SLC24A2: variants seen among roughly 807,000 people sequenced by gnomAD.
SLC24A2 encodes the protein sodium/potassium/calcium exchanger 2.
Under a neutral mutation model 62.0 loss-of-function variants are expected in SLC24A2, and 36 were observed. That is an observed-to-expected ratio of 0.58 (90% CI 0.44 to 0.77). The LOEUF (loss-of-function observed/expected upper bound fraction) is 0.77, where lower values mean the gene tolerates loss of function less well. Among genes scored for constraint, SLC24A2 ranks in the 30% least tolerant of loss-of-function variants. The pLI, the probability that SLC24A2 is intolerant of heterozygous loss-of-function variation, is 0.00. For missense variants in SLC24A2, 846 were observed against 817.9 expected, an observed-to-expected ratio of 1.03 and a Z score of -0.42; for synonymous variants, 358 against 294.0, an observed-to-expected ratio of 1.22 and a Z score of -2.23.
At chr9:20,219,549 C>T in the SLC24A2 span, among the ~76,000 whole-genome samples, 23 of 152,202 alleles carry the variant, frequency 1.5e-4, no homozygotes, top group African/African-American at 4.8e-4. Flanking sequence ...TGGCAGGTTG[C>T]GCTTATGTTA....
upstream of SLC24A2, among the ~76,000 whole-genome samples, chr9:19,792,197 C>T (rs886639823): frequency 1.3e-5 from 2 of 152,068 alleles, no homozygotes; most frequent in Non-Finnish European, 2.9e-5. Context: ...AATAACATCC[C>T]CAGGGGGCCA....
intron 5 of SLC24A2, among the ~76,000 whole-genome samples, chr9:19,578,948 T>C (rs1836120795): frequency 6.6e-6 from 1 of 152,066 alleles, no homozygotes; most frequent in African/African-American, 2.4e-5. Flanking sequence ...CACCACTGAG[T>C]ACACTCTCAA....
the SLC24A2 span, among the ~76,000 whole-genome samples, chr9:20,244,648 C>G: frequency 1.3e-5 from 2 of 152,164 alleles, no homozygotes; most frequent in South Asian, 4.1e-4. Context: ...CCCTTAGGTT[C>G]AAAAGAGAAA....
Position 19,595,973 on chromosome 9 carries a change from C to G in SLC24A2, c.1129+1256G>C, listed in dbSNP as rs145458112. ...TAGGGTTCTGTCATTGGACCTCTTG[C>G]TGCCCATGGGTCTGCATTTCCCCAA... On this transcript the variant is annotated intron_variant, in intron 5 of 10. Coordinates refer to ENST00000341998, the MANE Select transcript of SLC24A2 (RefSeq NM_020344.4). Among the ~76,000 whole-genome samples the G allele has an allele frequency of 2.9e-3, 440 of 152,288 alleles. 2 individuals carry two copies. The highest frequency in any genetic ancestry group is 0.01 in the African/African-American group (427 of 41,564).
At chr9:19,974,575 T>A in the SLC24A2 span, among the ~76,000 whole-genome samples, 2 of 152,082 alleles carry the variant, frequency 1.3e-5, no homozygotes, top group Admixed American at 6.6e-5. Context: ...TCCTAGGGGG[T>A]CTGAAGACCA....
chr9:19,942,749 G>C, the SLC24A2 span, among the ~76,000 whole-genome samples: 2 of 152,138 alleles, frequency 1.3e-5, no homozygotes, highest in Non-Finnish European at 2.9e-5. Flanking sequence ...GCCTCACAAA[G>C]TCCCTACTTA....
chr9:19,799,699 T>C, the SLC24A2 span, among the ~76,000 whole-genome samples: 1 of 152,186 alleles, frequency 6.6e-6, no homozygotes, highest in Non-Finnish European at 1.5e-5. Context: ...CGTAATGAAG[T>C]CTAATAGATT....
the SLC24A2 span, among the ~76,000 whole-genome samples, chr9:20,252,063 C>T: frequency 2.6e-5 from 4 of 152,292 alleles, no homozygotes; most frequent in Non-Finnish European, 5.9e-5. Context: ...CCATGAATAA[C>T]ATGAGAGAAT....
At chr9:19,643,877 G>A (rs964011557) in intron 2 of SLC24A2, among the ~76,000 whole-genome samples, 4 of 152,230 alleles carry the variant, frequency 2.6e-5, no homozygotes, top group African/African-American at 9.6e-5. Context: ...AGATTCAATA[G>A]AATTTTACAT....
chr9:19,803,761 T>C, the SLC24A2 span, among the ~76,000 whole-genome samples: 12 of 152,102 alleles, frequency 7.9e-5, no homozygotes, highest in Non-Finnish European at 8.8e-5. Context: ...GGTGCTAGAG[T>C]TGAAAAGCAG....
chr9:20,241,955 G>A, the SLC24A2 span, among the ~76,000 whole-genome samples: 1 of 152,138 alleles, frequency 6.6e-6, no homozygotes, highest in East Asian at 1.9e-4. Context: ...CACTTTTAAA[G>A]TTCACCTTTT....
intron 2 of SLC24A2, among the ~76,000 whole-genome samples, chr9:19,756,916 T>TTTTTTTTG: frequency 7.1e-6 from 1 of 140,136 alleles, no homozygotes; most frequent in Non-Finnish European, 1.6e-5. Context: ...TTTTTTTTTT[T>TTTTTTTTG]TTTTTTTTTT....
intron 2 of SLC24A2, among the ~76,000 whole-genome samples, chr9:19,772,938 C>T (rs1440818465): frequency 5.3e-5 from 8 of 152,176 alleles, no homozygotes; most frequent in Admixed American, 2.0e-4. Context: ...TGAAAACAAT[C>T]TAAATTCATT....
the SLC24A2 span, among the ~76,000 whole-genome samples, chr9:20,003,063 C>A: frequency 1.3e-5 from 2 of 152,246 alleles, no homozygotes; most frequent in Admixed American, 1.3e-4. Flanking sequence ...GTTCTGCCTG[C>A]CTATTTGGCA....
chr9:19,994,406 C>T, the SLC24A2 span, among the ~76,000 whole-genome samples: 1 of 152,138 alleles, frequency 6.6e-6, no homozygotes, highest in African/African-American at 2.4e-5. Context: ...AAGCTCTCAC[C>T]CTCCTTTCTG....
chr9:20,175,141 A>T, the SLC24A2 span, among the ~76,000 whole-genome samples: 2 of 151,946 alleles, frequency 1.3e-5, no homozygotes. Context: ...GGAATGGAAA[A>T]TCAAACATTG....
chr9:19,918,299 T>C, the SLC24A2 span, among the ~76,000 whole-genome samples: 29,828 of 151,646 alleles, frequency 0.2, 3,605 homozygotes, highest in Middle Eastern at 0.3. Context: ...TTAGCACTTC[T>C]CATTGTTATA....
At chr9:19,943,055 T>A in the SLC24A2 span, among the ~76,000 whole-genome samples, 4 of 152,118 alleles carry the variant, frequency 2.6e-5, no homozygotes, top group African/African-American at 9.7e-5. Context: ...CTTAGAATAT[T>A]AAAAAATAAG....
intron 2 of SLC24A2, among the ~76,000 whole-genome samples, chr9:19,742,644 G>C (rs182792023): frequency 1.3e-5 from 2 of 152,130 alleles, no homozygotes; most frequent in African/African-American, 2.4e-5. Context: ...ATTAGACCCT[G>C]GTCTTCTGAT....
Sources: gnomAD v4.1 joint callset for allele counts (sites outside exome capture counted in the v4.1 genomes callset) on GRCh38, gnomAD v4.1.1 for gene constraint, MANE v1.5 for transcripts, NCBI Gene and HGNC (gene_info 2026-07-23, HGNC 2026-07-21) for gene names.